The following ITPR3 variants were observed in gnomAD, a reference collection of about 807,000 sequenced individuals.
ITPR3 encodes the protein inositol 1,4,5-trisphosphate receptor type 3.
In ITPR3, 173 loss-of-function variants were observed where a neutral mutation model predicts 293.2. That is an observed-to-expected ratio of 0.59 (90% CI 0.52 to 0.67). The LOEUF is 0.67. Ranked by LOEUF, ITPR3 falls within the 30% of genes least tolerant of loss-of-function variation. ITPR3 has a pLI of 0.00. For synonymous variants in ITPR3, 1,295 were observed against 1,444.4 expected (o/e 0.90, Z 2.35); for missense variants, 2,796 against 3,592.1 (o/e 0.78, Z 5.66).
rs1561878647 is a variant in ITPR3 at position 33,684,664 on chromosome 6, GA to G, written c.5114del (p.Asp1705AlafsTer6). The G allele has an allele frequency of 6.2e-7, 1 of 1,614,088 alleles. No individual in the cohort carries two copies. On this transcript the variant is annotated frameshift_variant, in exon 38 of 58. Coordinates refer to ENST00000605930, the MANE Select transcript of ITPR3 (RefSeq NM_002224.4). LOFTEE classifies it high-confidence loss of function. The surrounding 1 kb of genome is among the most constrained non-coding windows in gnomAD (Gnocchi z 4.2). ...LQNRKSTSRG[D>X]LPDPIGTGLD... ...GAACCGGAAGTCCACCTCGCGGGGG[GA>G]CCTTCCCGACCCCATAGGCACTGGT...
chr6:33,685,784 G>C lies in ITPR3; in HGVS notation c.5624G>C (p.Arg1875Pro). 1 of 1,589,208 alleles carries C rather than the reference G, an allele frequency of 6.3e-7. No individual in the cohort carries two copies. The highest frequency in any genetic ancestry group is 1.1e-5 in the South Asian group (1 of 88,386). The change falls in exon 41 of 58, where the codon CGC becomes CCC. Residue 1875 changes from arginine (R) to proline (P), a missense_variant. Transcript: ENST00000605930. ...GTGCTCATCATGCAGCCCATCCTGC[G>C]CTTTCTGCAGCTGCTGTGTGAGAAC... The part of the protein sequence containing the change: ...TSVLIMQPIL[R>P]FLQLLCENHN...
At chr6:33,647,170 G>A (rs1206663144) in intron 2 of ITPR3, among the ~76,000 whole-genome samples, 1 of 152,050 alleles carries the variant, frequency 6.6e-6, no homozygotes, top group African/African-American at 2.4e-5. Flanking sequence ...ACAGGTGCGT[G>A]CCACCATGCT....
chr6:33,676,376 C>A (rs1292742286), intron 25 of ITPR3, among the ~76,000 whole-genome samples: 2 of 152,254 alleles, frequency 1.3e-5, no homozygotes, highest in African/African-American at 4.8e-5. Context: ...CCATTGCCCA[C>A]AGACCCAGAG....
At position 33,689,260 on chromosome 6, in the gene ITPR3, C is replaced by T; in HGVS notation, c.6717C>T (p.Ile2239=). 1.2e-6 allele frequency: 2 copies of T among 1,611,030 alleles called. No homozygotes were observed. Among genetic ancestry groups the T allele is most frequent in the Non-Finnish European group, 1.7e-6 (2 of 1,180,002 alleles). The part of the protein sequence containing the change: ...ASTGVLDSPL[I]SLLFWILICF... The stretch of plus-strand genomic sequence containing the variant: ...CAGGCGTGCTGGACTCCCCTCTCAT[C>T]TCATTGCTCTTCTGGATCCTCATCT... The change falls in exon 50 of 58, where the codon ATC becomes ATT. Residue 2239 remains isoleucine (I), a synonymous_variant. Transcript: ENST00000605930.
At chr6:33,677,475 G>A (rs1764938021) in intron 27 of ITPR3, 29 bp from the exon 28 acceptor site, 2 of 1,611,602 alleles carry the variant, frequency 1.2e-6, no homozygotes, top group Non-Finnish European at 1.7e-6. Context: ...AGTAGGGAAG[G>A]GGCTCTGGCT....
At chr6:33,660,644 C>T (rs1484904346) in intron 7 of ITPR3, among the ~76,000 whole-genome samples, 1 of 152,140 alleles carries the variant, frequency 6.6e-6, no homozygotes, top group Non-Finnish European at 1.5e-5. Flanking sequence ...AATGAAGCAT[C>T]TTGGCCGGGC....
rs778404564 is a variant in ITPR3, at chr6:33,672,154, G to A, written c.2854G>A (p.Asp952Asn). ...SAGASAAEPL[D>N]RSKFEENEDI... ...TGGGGCCAGTGCTGCTGAGCCGCTG[G>A]ACAGAAGCAAGTTTGAGGAGAATGA... Residue 952 changes from aspartate to asparagine, a missense_variant, in exon 22 of 58, where the codon GAC becomes AAC. This residue lies in a region of ITPR3 where 955 missense variants were observed against 1,180.8 expected (regional missense o/e 0.81). Coordinates refer to ENST00000605930, the MANE Select transcript of ITPR3 (RefSeq NM_002224.4). The surrounding 1 kb of genome is among the most constrained non-coding windows in gnomAD (Gnocchi z 5.0). 5 of 1,613,954 alleles carry A rather than the reference G, an allele frequency of 3.1e-6. No homozygotes were observed. The South Asian group carries it at 4.4e-5, about 14-fold the overall frequency.
rs1764367456 is a variant in ITPR3, at chr6:33,658,404, T to C, written c.370-266T>C. 6.6e-6 allele frequency among the ~76,000 whole-genome samples: 1 copy of C among 152,224 alleles called. No individual in the cohort carries two copies. The highest frequency in any genetic ancestry group is 1.5e-5 in the Non-Finnish European group (1 of 68,032). Reference sequence around the variant, plus strand: ...ACTTCCCTCTTGGATCGTTGTAGGTTACTTGAGCTAATCTATGTAAAGTAT... The same window carrying C: ...ACTTCCCTCTTGGATCGTTGTAGGTCACTTGAGCTAATCTATGTAAAGTAT... On this transcript the variant is annotated intron_variant, in intron 4 of 57. Coordinates refer to ENST00000605930, the MANE Select transcript of ITPR3 (RefSeq NM_002224.4). This position sits in a 1 kb window ranked among gnomAD's most constrained non-coding sequence, Gnocchi z 6.1.
chr6:33,676,912 G>A lies in ITPR3; in HGVS notation c.3427G>A (p.Ala1143Thr), dbSNP rs373241450. 33 of 1,613,946 alleles carry A rather than the reference G, an allele frequency of 2.0e-5. No individual in the cohort carries two copies. The Admixed American group carries it at 3.5e-4, about 17-fold the overall frequency. ...SGKGEEVEAG[A>T]AKDKKERPTD... ...CAAGGGTGAGGAGGTGGAGGCAGGC[G>A]CCGCCAAGGACAAGAAAGAGGTAAG... Residue 1143 changes from alanine to threonine, a missense_variant, in exon 26 of 58, where the codon GCC (alanine) becomes ACC (threonine). Coordinates refer to ENST00000605930, the MANE Select transcript of ITPR3 (RefSeq NM_002224.4).
intron 2 of ITPR3, among the ~76,000 whole-genome samples, chr6:33,647,901 G>A (rs958763799): frequency 1.3e-5 from 2 of 152,090 alleles, no homozygotes; most frequent in African/African-American, 4.8e-5. Context: ...CTGAGGCAGA[G>A]GGCGGGAGCT....
chr6:33,636,123 CAAAAAAAAAAAAAAAA>C lies in ITPR3; in HGVS notation c.90-4347_90-4332del, dbSNP rs59543122. 1.4e-4 allele frequency among the ~76,000 whole-genome samples: 12 copies of C among 83,314 alleles called. No individual in the cohort carries two copies. The East Asian group carries it at 1.7e-3, about 12-fold the overall frequency. The allele number at this position is 83,314 out of a possible 152,430, so 54.7% of individuals were successfully genotyped here. ...CCAACGTGGTGAAACGCTGTCTCTA[CAAAAAAAAAAAAAAAA>C]AAAAAAAAAAAAATTAGCTGGGCAT... On this transcript the variant is annotated intron_variant, in intron 1 of 57. Transcript: ENST00000605930.
intron 2 of ITPR3, among the ~76,000 whole-genome samples, chr6:33,650,467 C>G (rs1030882311): frequency 6.6e-6 from 1 of 152,200 alleles, no homozygotes; most frequent in African/African-American, 2.4e-5. Flanking sequence ...TCTGACTTCA[C>G]TGCTCTCCCG....
chr6:33,651,715 C>G (rs1419596559), intron 2 of ITPR3, among the ~76,000 whole-genome samples: 8 of 152,196 alleles, frequency 5.3e-5, no homozygotes, highest in African/African-American at 1.9e-4. Context: ...TAATTCTTCA[C>G]CATCTTGTTG....
chr6:33,640,324 T>C (rs1361713664), intron 1 of ITPR3, among the ~76,000 whole-genome samples, 160 bp from the exon 2 acceptor site: 1 of 152,006 alleles, frequency 6.6e-6, no homozygotes, highest in Admixed American at 6.6e-5. Context: ...CTTTCAACGG[T>C]GGTGCCAGGA....
In ITPR3 at chr6:33,655,355, C is replaced by T. The variant is rs1392143781; in HGVS notation, c.161-411C>T. On this transcript the variant is annotated intron_variant, in intron 2 of 57. Transcript: ENST00000605930. The surrounding 1 kb of genome is among the most constrained non-coding windows in gnomAD (Gnocchi z 4.9). Reference sequence around the variant, plus strand: ...CCCTGGGAAGAGGGGTATGTCATTTCCCAGGCATCTGTGTGCAAGATGGTT... The same window carrying T: ...CCCTGGGAAGAGGGGTATGTCATTTTCCAGGCATCTGTGTGCAAGATGGTT... 6.6e-6 allele frequency among the ~76,000 whole-genome samples: 1 copy of T among 152,200 alleles called. No homozygotes were observed. Among genetic ancestry groups the T allele is most frequent in the East Asian group, 1.9e-4 (1 of 5,196 alleles).
At chr6:33,668,440 G>A (rs1764670926) in intron 16 of ITPR3, 75 bp from the exon 17 acceptor site, 1 of 1,592,358 alleles carries the variant, frequency 6.3e-7, no homozygotes, top group South Asian at 1.1e-5. Flanking sequence ...GCTGGGGAAG[G>A]GGAAGGGTGG....
rs1232722205 is a variant in ITPR3, at chr6:33,687,434, C to T, written c.6178-44C>T. On this transcript the variant is annotated intron_variant, in intron 45 of 57. Coordinates refer to ENST00000605930, the MANE Select transcript of ITPR3 (RefSeq NM_002224.4). This position sits in a 1 kb window ranked among gnomAD's most constrained non-coding sequence, Gnocchi z 5.3. ...ATTGTCGCCCCCCAGCCACCATGTC[C>T]CCCAGCCACCACACCCTGGTGACTG... is the stretch of plus-strand genomic sequence containing the variant. 1 of 1,566,580 alleles carries T rather than the reference C, an allele frequency of 6.4e-7. No homozygotes were observed. Among genetic ancestry groups the T allele is most frequent in the African/African-American group, 1.4e-5 (1 of 74,056 alleles).
rs749627168 is a variant in ITPR3, at chr6:33,687,266, G to A, written c.6116G>A (p.Arg2039His). 16 of 1,613,642 alleles carry A rather than the reference G, an allele frequency of 9.9e-6. No individual in the cohort carries two copies. Among genetic ancestry groups the A allele is most frequent in the South Asian group, 5.5e-5 (5 of 91,080 alleles). ...IKKAYLQEEE[R>H]ENSEVSPREV... is the part of the protein sequence containing the mutation. ...AAGGCCTACCTGCAGGAGGAAGAGC[G>A]TGAGAACTCGGAGGTGAGCCCACGT... Residue 2039 changes from arginine to histidine, a missense_variant, in exon 45 of 58, where the codon CGT (arginine) becomes CAT (histidine). Physicochemically the swap from Arg to His is conservative, Grantham distance 29. Around this residue, in one of 8 missense-constraint regions of ITPR3, gnomAD observed 704 missense variants for 797.5 expected, o/e 0.88. Coordinates refer to ENST00000605930, the MANE Select transcript of ITPR3 (RefSeq NM_002224.4). The surrounding 1 kb of genome is among the most constrained non-coding windows in gnomAD (Gnocchi z 5.3).
rs773134340 is a variant in ITPR3 at position 33,677,031 on chromosome 6, AG to A, written c.3467del (p.Gly1156AlafsTer24). The A allele has an allele frequency of 1.2e-6, 2 of 1,614,182 alleles. No homozygotes were observed. The highest frequency in any genetic ancestry group is 1.7e-6 in the Non-Finnish European group (2 of 1,180,030). ...TGCTTTCAGCGTCCCACGGACGAGG[AG>A]GGCTTTCTGCACCCACCAGGGGAGA... ...KDKKERPTDE[E>X]GFLHPPGEKS... On this transcript the variant is annotated frameshift_variant, in exon 27 of 58. Coordinates refer to ENST00000605930, the MANE Select transcript of ITPR3 (RefSeq NM_002224.4). LOFTEE classifies it high-confidence loss of function.
Sources: allele counts gnomAD v4.1 joint callset (sites outside exome capture counted in the v4.1 genomes callset), GRCh38; gene constraint gnomAD v4.1.1; regional missense constraint gnomAD v4.1.1; non-coding constraint Gnocchi (gnomAD v3.1); transcripts MANE v1.5; gene names NCBI Gene and HGNC (gene_info 2026-07-23, HGNC 2026-07-21).